The following DRC3 variants were observed in gnomAD, a reference collection of about 807,000 sequenced individuals.
The protein encoded by DRC3 is dynein regulatory complex subunit 3.
DRC3 carries 45 observed loss-of-function variants against 57.6 expected under a neutral mutation model. That is an observed-to-expected ratio of 0.78 (90% CI 0.62 to 1.00). The LOEUF is 1.00. Among genes scored for constraint, DRC3 ranks in the 50% least tolerant of loss-of-function variants. The pLI is 0.00. For missense variants in DRC3, 655 were observed against 675.2 expected, an observed-to-expected ratio of 0.97 and a Z score of 0.33; for synonymous variants, 257 against 272.3, an observed-to-expected ratio of 0.94 and a Z score of 0.55.
At chr17:17,997,111 C>T (rs1200166392) in intron 8 of DRC3, among the ~76,000 whole-genome samples, 2 of 152,140 alleles carry the variant, frequency 1.3e-5, no homozygotes, top group Non-Finnish European at 2.9e-5. Flanking sequence ...GCTCGCAGGC[C>T]CCCAGGGTCC....
At chr17:18,013,051 T>A (rs1450239512) in intron 12 of DRC3, among the ~76,000 whole-genome samples, 2 of 152,150 alleles carry the variant, frequency 1.3e-5, no homozygotes, top group African/African-American at 4.8e-5. Context: ...CATTAAAAAC[T>A]TTTCAGCATC....
In DRC3 at chr17:18,011,328, G is replaced by A. The variant is rs541090057; in HGVS notation, c.1326+4181G>A. 1.8e-4 allele frequency: 61 copies of A among 347,734 alleles called. 1 individual carries two copies. In the Admixed American group the frequency reaches 1.8e-3, roughly 10 times the overall value. The allele number at this position is 347,734 out of a possible 1,614,324, so 21.5% of individuals were successfully genotyped here. ...CCAGCCAGCGCAGCAGGTTCAAGGC[G>A]TTTGTTGCCATCAGGGATTACAATG... On this transcript the variant is annotated intron_variant, in intron 12 of 13. Coordinates refer to ENST00000399187, the MANE Select transcript of DRC3 (RefSeq NM_031294.4).
intron 12 of DRC3, among the ~76,000 whole-genome samples, chr17:18,014,767 C>A (rs954815997): frequency 3.3e-5 from 5 of 152,168 alleles, no homozygotes; most frequent in Non-Finnish European, 5.9e-5. Context: ...CTAAAATAAC[C>A]AGGACACCCA....
chr17:18,004,297 T>C, intron 9 of DRC3, 66 bp from the exon 10 acceptor site: 2 of 1,528,792 alleles, frequency 1.3e-6, no homozygotes, highest in Non-Finnish European at 1.8e-6. Context: ...CAAAACCAAA[T>C]TGCCACCTGC....
At chr17:17,990,527 C>T (rs1250060140) in intron 5 of DRC3, among the ~76,000 whole-genome samples, 1 of 152,180 alleles carries the variant, frequency 6.6e-6, no homozygotes, top group Non-Finnish European at 1.5e-5. Context: ...GGAATGTGCT[C>T]TCCTCTGCTC....
At chr17:17,980,753 C>T (rs1280322938) in intron 3 of DRC3, among the ~76,000 whole-genome samples, 1 of 152,082 alleles carries the variant, frequency 6.6e-6, no homozygotes, top group Non-Finnish European at 1.5e-5. Context: ...CACCACCACA[C>T]CCAGTGAATT....
At chr17:18,007,787 A>G (rs906730146) in intron 12 of DRC3, 55 of 1,087,178 alleles carry the variant, frequency 5.1e-5, no homozygotes, top group East Asian at 7.0e-5. Context: ...CAGAGATACT[A>G]TGTTGTCAGG....
In DRC3 at chr17:18,004,419, A is replaced by G; in HGVS notation, c.1056A>G (p.Leu352=). The change falls in exon 10 of 14, where the codon CTA becomes CTG. Residue 352 remains leucine, a synonymous_variant. Coordinates refer to ENST00000399187, the MANE Select transcript of DRC3 (RefSeq NM_031294.4). The stretch of plus-strand genomic sequence containing the variant: ...TGCCCAACATTGAGAAGATGATCCT[A>G]GAATGCAGTGCTGACATCAGTGAGT... ...LELPNIEKMI[L]ECSADISELF... is the part of the protein sequence containing the mutation. 1 of 1,609,618 alleles carries G rather than the reference A, an allele frequency of 6.2e-7. No individual in the cohort carries two copies. The highest frequency in any genetic ancestry group is 8.5e-7 in the Non-Finnish European group (1 of 1,177,936).
Position 17,980,313 on chromosome 17 carries a change from G to A in DRC3, c.160+2555G>A, listed in dbSNP as rs373704513. 1.3e-4 allele frequency among the ~76,000 whole-genome samples: 19 copies of A among 150,466 alleles called. No individual in the cohort carries two copies. The East Asian group carries it at 2.6e-3, about 20-fold the overall frequency. ...TTTTTTTTTGTAGAGACGGAGTCTC[G>A]CTCTGCCGCCCAGCCCAGGCTGGAG... is the stretch of plus-strand genomic sequence containing the variant. On this transcript the variant is annotated intron_variant, in intron 3 of 13. Coordinates refer to ENST00000399187, the MANE Select transcript of DRC3 (RefSeq NM_031294.4).
At chr17:17,997,432 G>C in intron 8 of DRC3, 28 bp from the exon 9 acceptor site, 1 of 1,610,392 alleles carries the variant, frequency 6.2e-7, no homozygotes, top group Non-Finnish European at 8.5e-7. Flanking sequence ...TCCTGAAACA[G>C]CTGTGGGCTT....
intron 10 of DRC3, 196 bp downstream of exon 10, chr17:18,004,690 G>A: frequency 1.7e-6 from 1 of 595,462 alleles, no homozygotes; most frequent in Admixed American, 3.2e-5. Flanking sequence ...AGTGATTCTT[G>A]TGGAAAATGA....
chr17:18,007,172 C>CTGGATGGAGTTGGA, intron 12 of DRC3, 25 bp downstream of exon 12: 1 of 1,143,430 alleles, frequency 8.7e-7, no homozygotes, highest in Non-Finnish European at 1.2e-6. Flanking sequence ...CTGCTCGGAG[C>CTGGATGGAGTTGGA]CTGACAGATG....
chr17:18,015,224 GAACGTTTTAGAGACCATTAAGTT>G, intron 12 of DRC3: 1 of 152,290 alleles, frequency 6.6e-6, no homozygotes, highest in East Asian at 1.9e-4. Flanking sequence ...AGATTGCACA[GAACGTTTTAGAGACCATTAAGTT>G]AACTGCCACT....
intron 12 of DRC3, among the ~76,000 whole-genome samples, chr17:18,014,451 T>C (rs551138416): frequency 6.6e-6 from 1 of 152,366 alleles, no homozygotes; most frequent in African/African-American, 2.4e-5. Flanking sequence ...GCCACCACTC[T>C]AGGCCACCCA....
Position 17,988,019 on chromosome 17 carries a change from C to T in DRC3, c.365C>T (p.Ser122Phe). The T allele has an allele frequency of 6.2e-7, 1 of 1,613,988 alleles. No homozygotes were observed. The highest frequency in any genetic ancestry group is 8.5e-7 in the Non-Finnish European group (1 of 1,179,890). The change falls in exon 5 of 14, where the codon TCC (serine) becomes TTC (phenylalanine). Residue 122 changes from serine (S) to phenylalanine (F), a missense_variant. Physicochemically the swap from Ser to Phe is radical, Grantham distance 155. Transcript: ENST00000399187. The part of the protein sequence containing the change: ...EDLSLFNNRI[S>F]KIDSLDALVK... The stretch of plus-strand genomic sequence containing the variant: ...CTGAGCTTGTTCAACAACCGGATCT[C>T]CAAGATCGACTCCCTGGACGCCCTC...
intron 5 of DRC3, 52 bp from the exon 6 acceptor site, chr17:17,992,713 T>C (rs1205906612): frequency 6.3e-7 from 1 of 1,583,428 alleles, no homozygotes; most frequent in African/African-American, 1.3e-5. Flanking sequence ...CAGCTGTGTT[T>C]TCAACTCTGT....
At chr17:17,988,298 G>A in intron 5 of DRC3, 200 bp downstream of exon 5, 1 of 600,078 alleles carries the variant, frequency 1.7e-6, no homozygotes, top group Non-Finnish European at 2.9e-6. Context: ...AAATTCATCG[G>A]AGAGCACTAG....
intron 10 of DRC3, 26 bp from the exon 11 acceptor site, chr17:18,006,157 T>G (rs2043942356): frequency 6.4e-7 from 1 of 1,567,462 alleles, no homozygotes; most frequent in Non-Finnish European, 8.8e-7. Flanking sequence ...AATATGCATG[T>G]TAACTGTGTT....
chr17:17,976,312 T>C (rs1161857814), intron 2 of DRC3, among the ~76,000 whole-genome samples: 1 of 152,176 alleles, frequency 6.6e-6, no homozygotes, highest in Non-Finnish European at 1.5e-5. Flanking sequence ...AGCCTCACAT[T>C]GTGACTGACC....
Sources: allele counts gnomAD v4.1 joint callset (sites outside exome capture counted in the v4.1 genomes callset), GRCh38; gene constraint gnomAD v4.1.1; transcripts MANE v1.5; gene names NCBI Gene and HGNC (gene_info 2026-07-23, HGNC 2026-07-21).